RBMS3: variants seen among roughly 807,000 people sequenced by gnomAD.
The protein encoded by RBMS3 is RNA-binding motif, single-stranded-interacting protein 3.
A neutral mutation model predicts 66.8 loss-of-function variants in RBMS3; 27 were observed. The observed-to-expected ratio is 0.40, with a 90% confidence interval of 0.30 to 0.56. RBMS3 has a LOEUF of 0.56. RBMS3 is among the 20% of genes least tolerant of loss of function. The probability of loss-of-function intolerance (pLI) is 0.40; values close to 1 mark genes in which losing one functional copy is unlikely to be tolerated. For missense variants in RBMS3, 513 were observed against 549.5 expected, an observed-to-expected ratio of 0.93 and a Z score of 0.66; for synonymous variants, 188 against 183.0, an observed-to-expected ratio of 1.03 and a Z score of -0.22.
At chr3:29,956,001 T>A (rs1377759438) in intron 12 of RBMS3, among the ~76,000 whole-genome samples, 1 of 152,080 alleles carries the variant, frequency 6.6e-6, no homozygotes, top group African/African-American at 2.4e-5. Flanking sequence ...TATAATTAAA[T>A]AAATTCTGGA....
chr3:29,984,060 G>T (rs1291006471), intron 12 of RBMS3, among the ~76,000 whole-genome samples: 1 of 152,024 alleles, frequency 6.6e-6, no homozygotes. Flanking sequence ...TCAAACGTAG[G>T]TTTGGTCTTT....
chr3:29,967,328 GTTTTTGTTTTTA>G (rs1361592267), intron 12 of RBMS3, among the ~76,000 whole-genome samples: 1 of 151,964 alleles, frequency 6.6e-6, no homozygotes, highest in African/African-American at 2.4e-5. Flanking sequence ...TCCTGGATTT[GTTTTTGTTTTTA>G]TTTTTGTTTT....
At chr3:29,889,034 G>T (rs1031081803) in intron 8 of RBMS3, among the ~76,000 whole-genome samples, 4 of 150,718 alleles carry the variant, frequency 2.7e-5, no homozygotes, top group African/African-American at 9.7e-5. Context: ...TACCTACCTG[G>T]TTTAAAGTAT....
chr3:29,971,247 T>C (rs1203259607), intron 12 of RBMS3, among the ~76,000 whole-genome samples: 3 of 152,182 alleles, frequency 2.0e-5, no homozygotes, highest in African/African-American at 7.2e-5. Flanking sequence ...GATTTCAGCC[T>C]TGGCCTCACT....
intron 7 of RBMS3, among the ~76,000 whole-genome samples, chr3:29,879,799 T>TTA (rs112616665): frequency 6.8e-6 from 1 of 147,284 alleles, no homozygotes; most frequent in Non-Finnish European, 1.5e-5. Flanking sequence ...CAACAATGGT[T>TTA]AAAAAAAAAA....
chr3:29,668,523 T>A (rs1434725376), intron 4 of RBMS3, among the ~76,000 whole-genome samples: 1 of 151,664 alleles, frequency 6.6e-6, no homozygotes, highest in Non-Finnish European at 1.5e-5. Context: ...AAAAAAAAAA[T>A]AACACTTGCC....
At chr3:29,449,419 A>G (rs899676371) in intron 2 of RBMS3, among the ~76,000 whole-genome samples, 2 of 152,210 alleles carry the variant, frequency 1.3e-5, no homozygotes, top group Non-Finnish European at 2.9e-5. Flanking sequence ...GGAACTTACT[A>G]TTTATTATTT....
chr3:29,409,275 A>C (rs1030465979), intron 1 of RBMS3, among the ~76,000 whole-genome samples: 2 of 152,144 alleles, frequency 1.3e-5, no homozygotes, highest in African/African-American at 4.8e-5. Context: ...TACTCCAGTC[A>C]CTGAAGAGTT....
At chr3:29,464,195 A>T (rs1429801529) in intron 2 of RBMS3, among the ~76,000 whole-genome samples, 2 of 152,158 alleles carry the variant, frequency 1.3e-5, no homozygotes, top group Non-Finnish European at 2.9e-5. Context: ...ATATAAGAAG[A>T]TTAGAAAAAC....
At chr3:29,751,796 C>T (rs2055196033) in intron 5 of RBMS3, among the ~76,000 whole-genome samples, 1 of 152,152 alleles carries the variant, frequency 6.6e-6, no homozygotes, top group Non-Finnish European at 1.5e-5. Context: ...CAGCCCGCAG[C>T]ACTCAAACCC....
chr3:29,833,734 G>T (rs1358985470), intron 6 of RBMS3, among the ~76,000 whole-genome samples: 1 of 152,074 alleles, frequency 6.6e-6, no homozygotes, highest in Non-Finnish European at 1.5e-5. Flanking sequence ...AGCTCCAGAA[G>T]AAGAGACAGA....
At chr3:29,830,541 A>G (rs919579320) in intron 6 of RBMS3, among the ~76,000 whole-genome samples, 1 of 152,172 alleles carries the variant, frequency 6.6e-6, no homozygotes, top group African/African-American at 2.4e-5. Context: ...TTGACAGAGT[A>G]AAATACATAG....
At chr3:29,420,063 CT>C (rs1486977890) in intron 1 of RBMS3, among the ~76,000 whole-genome samples, 1 of 152,136 alleles carries the variant, frequency 6.6e-6, no homozygotes, top group Non-Finnish European at 1.5e-5. Context: ...ACAGTAGACC[CT>C]GAGCATTTGT....
intron 1 of RBMS3, among the ~76,000 whole-genome samples, chr3:29,286,647 G>A (rs1365245813): frequency 6.6e-6 from 1 of 151,982 alleles, no homozygotes; most frequent in African/African-American, 2.4e-5. Flanking sequence ...TTTGCAGGGA[G>A]GGACACAATA....
chr3:29,299,046 C>T (rs1041606450), intron 1 of RBMS3, among the ~76,000 whole-genome samples: 3 of 151,668 alleles, frequency 2.0e-5, no homozygotes, highest in South Asian at 2.1e-4. Flanking sequence ...CTAAGTCATG[C>T]GACATTGACT....
chr3:29,371,747 G>A (rs1163076493), intron 1 of RBMS3, among the ~76,000 whole-genome samples: 1 of 152,000 alleles, frequency 6.6e-6, no homozygotes, highest in Non-Finnish European at 1.5e-5. Context: ...TCTCAAGAAA[G>A]GTCCAGAGTA....
At chr3:29,375,920 T>C (rs116667963) in intron 1 of RBMS3, among the ~76,000 whole-genome samples, 2,415 of 152,248 alleles carry the variant, frequency 0.016, 75 homozygotes, top group African/African-American at 0.055. Flanking sequence ...GTAGCACTAC[T>C]CACAATAGCA....
chr3:29,402,572 A>G (rs1452458959), intron 1 of RBMS3, among the ~76,000 whole-genome samples: 1 of 152,070 alleles, frequency 6.6e-6, no homozygotes, highest in African/African-American at 2.4e-5. Context: ...AGTTAGCTGT[A>G]TCAATCTTTA....
In RBMS3 at chr3:29,694,999, C is replaced by G. The variant is rs1019133133; in HGVS notation, c.400-44721C>G. On this transcript the variant is annotated intron_variant, in intron 4 of 14. Coordinates refer to ENST00000383767, the MANE Select transcript of RBMS3 (RefSeq NM_001003793.3). ...TGCTATTTATCACTGCACTTATAGG[C>G]TGGTGAGAGTCTCTCATTGCCCACT... Among the ~76,000 whole-genome samples, 5 of 152,172 alleles carry G rather than the reference C, an allele frequency of 3.3e-5. No homozygotes were observed. The East Asian group carries it at 9.6e-4, about 29-fold the overall frequency.
Sources: gnomAD v4.1 joint callset for allele counts (sites outside exome capture counted in the v4.1 genomes callset) on GRCh38, gnomAD v4.1.1 for gene constraint, MANE v1.5 for transcripts, NCBI Gene and HGNC (gene_info 2026-07-23, HGNC 2026-07-21) for gene names.